GRHL2: variants seen among roughly 807,000 people sequenced by gnomAD.
The protein encoded by GRHL2 is grainyhead-like protein 2 homolog.
Under a neutral mutation model 83.8 loss-of-function variants are expected in GRHL2, and 21 were observed. That is an observed-to-expected ratio of 0.25 (90% CI 0.18 to 0.36). The LOEUF is 0.36. Among genes scored for constraint, GRHL2 ranks in the 10% least tolerant of loss-of-function variants. The pLI is 1.00. For missense variants in GRHL2, 623 were observed against 781.8 expected (o/e 0.80, Z 2.42); for synonymous variants, 280 against 278.9 (o/e 1.00, Z -0.04).
At chr8:101,507,224 G>A (rs1810358621) in intron 1 of GRHL2, among the ~76,000 whole-genome samples, 1 of 133,118 alleles carries the variant, frequency 7.5e-6, no homozygotes, top group Non-Finnish European at 1.6e-5. Flanking sequence ...ATTTCAACTT[G>A]TTACTTTAAT....
chr8:101,670,901 T>A (rs1057243485), downstream of GRHL2, among the ~76,000 whole-genome samples: 1 of 152,182 alleles, frequency 6.6e-6, no homozygotes, highest in Admixed American at 6.5e-5. Context: ...TTAGACACAG[T>A]CTGCCCTCAT....
intron 12 of GRHL2, among the ~76,000 whole-genome samples, chr8:101,641,528 G>T (rs1813400180): frequency 6.6e-6 from 1 of 152,292 alleles, no homozygotes; most frequent in Non-Finnish European, 1.5e-5. Context: ...GGTATGGCCA[G>T]AGATCCATGG....
At position 101,640,226 on chromosome 8, in the gene GRHL2, T is replaced by A. The variant is rs542488079; in HGVS notation, c.1517+3298T>A. ...ATCTTTTAGAGTCTCAGTTTTCTCATCTAAAAATAGCAGGATAATAATAGC... is the reference window on the plus strand; with the variant it reads ...ATCTTTTAGAGTCTCAGTTTTCTCAACTAAAAATAGCAGGATAATAATAGC... On this transcript the variant is annotated intron_variant, in intron 12 of 15. Transcript: ENST00000646743. Among the ~76,000 whole-genome samples, 4 of 152,334 alleles carry A rather than the reference T, an allele frequency of 2.6e-5. No individual in the cohort carries two copies. The East Asian group carries it at 7.7e-4, about 29-fold the overall frequency.
At position 101,573,842 on chromosome 8, in the gene GRHL2, C is replaced by G; in HGVS notation, c.891+18C>G. The G allele has an allele frequency of 6.2e-7, 1 of 1,613,958 alleles. No individual in the cohort carries two copies. Among genetic ancestry groups the G allele is most frequent in the Admixed American group, 1.7e-5 (1 of 60,022 alleles). On this transcript the variant is annotated intron_variant, in intron 6 of 15. Transcript: ENST00000646743. ...AAGTCAGGGTAGGGGCCACATTTCTCAGATAAAGTACAAAGGAATCCGATG... is the reference window on the plus strand; with the variant it reads ...AAGTCAGGGTAGGGGCCACATTTCTGAGATAAAGTACAAAGGAATCCGATG...
chr8:101,499,847 G>A (rs1294629963), intron 1 of GRHL2, among the ~76,000 whole-genome samples: 2 of 152,144 alleles, frequency 1.3e-5, no homozygotes, highest in South Asian at 2.1e-4. Flanking sequence ...GGAAGCCGAG[G>A]CAGGCAGATC....
intron 14 of GRHL2, among the ~76,000 whole-genome samples, chr8:101,660,726 A>T (rs1405754125): frequency 3.3e-5 from 5 of 152,178 alleles, no homozygotes; most frequent in Admixed American, 6.5e-5. Flanking sequence ...TCCTGAAGTA[A>T]TTCTTCACTA....
At chr8:101,594,586 A>G (rs1402850921) in intron 7 of GRHL2, among the ~76,000 whole-genome samples, 2 of 152,252 alleles carry the variant, frequency 1.3e-5, no homozygotes, top group Admixed American at 1.3e-4. Context: ...TCAGCTGTTT[A>G]GTCCCTTGGA....
intron 6 of GRHL2, among the ~76,000 whole-genome samples, chr8:101,575,222 C>G (rs911413477): frequency 2.3e-4 from 35 of 150,906 alleles, no homozygotes; most frequent in South Asian, 1.1e-3. Flanking sequence ...TTTTTTTAAG[C>G]CTTATAAATT....
intron 9 of GRHL2, among the ~76,000 whole-genome samples, chr8:101,623,604 T>C (rs1479530572): frequency 4.0e-5 from 6 of 150,432 alleles, no homozygotes; most frequent in African/African-American, 1.5e-4. Context: ...AGTAGGATAG[T>C]ACACAGTAGG....
In GRHL2 at chr8:101,636,921, C is replaced by A. The variant is rs1388532572; in HGVS notation, c.1510C>A (p.Arg504=). ...GQVYYNTDDE[R]EGGSVLVKRM... is the part of the protein sequence containing the mutation. ...GGTGTATTACAACACGGATGATGAA[C>A]GAGAAGGGTAAGACACTCAGTTCTT... is the stretch of plus-strand genomic sequence containing the variant. Residue 504 remains arginine (R), a synonymous_variant, in exon 12 of 16, where the codon CGA becomes AGA. Transcript: ENST00000646743. 2 of 1,613,466 alleles carry A rather than the reference C, an allele frequency of 1.2e-6. No individual in the cohort carries two copies. Among genetic ancestry groups the A allele is most frequent in the South Asian group, 1.1e-5 (1 of 91,058 alleles).
At chr8:101,636,981 G>A (rs1813300803) in intron 12 of GRHL2, 53 bp downstream of exon 12, 7 of 1,508,858 alleles carry the variant, frequency 4.6e-6, no homozygotes, top group South Asian at 1.1e-5. Context: ...CATGTCAGTG[G>A]TAATGGCTCT....
At chr8:101,665,025 G>T (rs919873331) in intron 15 of GRHL2, among the ~76,000 whole-genome samples, 12 of 152,096 alleles carry the variant, frequency 7.9e-5, no homozygotes, top group Non-Finnish European at 1.2e-4. Flanking sequence ...AGTAGGTTTG[G>T]GGTCCCTTCC....
intron 8 of GRHL2, among the ~76,000 whole-genome samples, chr8:101,618,861 G>A (rs988301326): frequency 3.3e-5 from 5 of 151,864 alleles, no homozygotes; most frequent in Non-Finnish European, 7.4e-5. Flanking sequence ...TATTCCACAG[G>A]CCAGAGATTA....
chr8:101,641,743 G>A (rs1813405465), intron 12 of GRHL2, among the ~76,000 whole-genome samples: 1 of 152,160 alleles, frequency 6.6e-6, no homozygotes. Context: ...TTGCTCTCCA[G>A]TCCTTTTGTG....
chr8:101,652,017 G>A (rs1054548400), intron 14 of GRHL2, among the ~76,000 whole-genome samples: 7 of 152,144 alleles, frequency 4.6e-5, no homozygotes, highest in South Asian at 2.1e-4. Context: ...AGCAGGCTCC[G>A]TGTAAGCAAG....
intron 5 of GRHL2, among the ~76,000 whole-genome samples, chr8:101,572,101 A>T (rs2130225253): frequency 6.6e-6 from 1 of 152,278 alleles, no homozygotes; most frequent in South Asian, 2.1e-4. Context: ...TATATTAAAA[A>T]TCGTTTATGT....
chr8:101,623,275 A>C (rs1303557719), intron 9 of GRHL2, among the ~76,000 whole-genome samples: 2 of 152,280 alleles, frequency 1.3e-5, no homozygotes, highest in Non-Finnish European at 2.9e-5. Flanking sequence ...GCAGCACAGC[A>C]ATCAATAGGA....
chr8:101,631,585 C>A, intron 9 of GRHL2, 52 bp from the exon 10 acceptor site: 2 of 1,409,390 alleles, frequency 1.4e-6, no homozygotes, highest in Non-Finnish European at 2.0e-6. Flanking sequence ...ATGACTTTTG[C>A]ATGCTCTGCT....
At chr8:101,495,850 T>A (rs971993751) in intron 1 of GRHL2, among the ~76,000 whole-genome samples, 4 of 152,224 alleles carry the variant, frequency 2.6e-5, no homozygotes, top group East Asian at 3.9e-4. Flanking sequence ...AAAATGTTTT[T>A]AAAAATACAA....
Sources: allele counts gnomAD v4.1 joint callset (sites outside exome capture counted in the v4.1 genomes callset), GRCh38; gene constraint gnomAD v4.1.1; transcripts MANE v1.5; gene names NCBI Gene and HGNC (gene_info 2026-07-23, HGNC 2026-07-21).